LRRC4C: variants seen among roughly 807,000 people sequenced by gnomAD.
LRRC4C encodes the protein leucine rich repeat containing 4C.
Under a neutral mutation model 33.6 loss-of-function variants are expected in LRRC4C, and 5 were observed. The ratio of observed to expected loss-of-function variants is 0.15; its 90% CI spans 0.08 to 0.31. The LOEUF (loss-of-function observed/expected upper bound fraction) is 0.31. Among genes scored for constraint, LRRC4C ranks in the 10% least tolerant of loss-of-function variants. The pLI is 1.00. For missense variants in LRRC4C, 560 were observed against 796.7 expected, an observed-to-expected ratio of 0.70 and a Z score of 3.58; for synonymous variants, 329 against 302.0, an observed-to-expected ratio of 1.09 and a Z score of -0.93.
At chr11:41,243,434 G>A (rs76066031) in intron 1 of LRRC4C, among the ~76,000 whole-genome samples, 6,894 of 152,168 alleles carry the variant, frequency 0.045, 200 homozygotes, top group South Asian at 0.069. Context: ...AGACACTCAA[G>A]CCAACTATTG....
chr11:40,554,418 G>A (rs1957249704), intron 3 of LRRC4C, among the ~76,000 whole-genome samples: 1 of 151,886 alleles, frequency 6.6e-6, no homozygotes, highest in South Asian at 2.1e-4. Context: ...TTTTCTTTTT[G>A]CTTATAATTG....
At chr11:40,337,789 G>C (rs1946694212) in intron 3 of LRRC4C, among the ~76,000 whole-genome samples, 1 of 152,178 alleles carries the variant, frequency 6.6e-6, no homozygotes, top group South Asian at 2.1e-4. Flanking sequence ...GCACTTAATA[G>C]CCTAGTGCCC....
intron 1 of LRRC4C, among the ~76,000 whole-genome samples, chr11:41,024,978 A>G (rs1229975694): frequency 2.0e-5 from 3 of 151,508 alleles, no homozygotes; most frequent in Non-Finnish European, 3.0e-5. Flanking sequence ...TGATCTTATT[A>G]TTGTAATTGT....
chr11:41,409,932 T>A lies in LRRC4C; in HGVS notation c.-496+49499A>T, dbSNP rs527323093. Among the ~76,000 whole-genome samples the A allele has an allele frequency of 3.3e-5, 5 of 152,366 alleles. No individual in the cohort carries two copies. The East Asian group carries it at 9.6e-4, about 29-fold the overall frequency. Reference sequence around the variant, plus strand: ...GCCATTAATATTAATGTTTTTTTATTTCCATCATCCTAATGAGAGAAATAT... The same window carrying A: ...GCCATTAATATTAATGTTTTTTTATATCCATCATCCTAATGAGAGAAATAT... On this transcript the variant is annotated intron_variant, in intron 1 of 6. Coordinates refer to ENST00000528697, the MANE Select transcript of LRRC4C (RefSeq NM_001258419.2).
At chr11:40,455,108 G>A (rs1039881398) in intron 3 of LRRC4C, among the ~76,000 whole-genome samples, 5 of 152,150 alleles carry the variant, frequency 3.3e-5, no homozygotes, top group African/African-American at 1.2e-4. Context: ...CACTTGAAAA[G>A]AGTAAGTGAG....
intron 1 of LRRC4C, among the ~76,000 whole-genome samples, chr11:41,086,313 A>G (rs2135517572): frequency 1.3e-5 from 2 of 152,252 alleles, no homozygotes; most frequent in South Asian, 2.1e-4. Context: ...TGTGTTCATT[A>G]CCATTCTATT....
intron 3 of LRRC4C, among the ~76,000 whole-genome samples, chr11:40,349,150 A>C (rs547078410): frequency 6.6e-6 from 1 of 152,268 alleles, no homozygotes; most frequent in Non-Finnish European, 1.5e-5. Context: ...GTGCTATCAA[A>C]TACTAGATTT....
intron 1 of LRRC4C, among the ~76,000 whole-genome samples, chr11:40,984,362 AAAAAGAAAGAAAG>A (rs1852787331): frequency 1.1e-5 from 1 of 91,704 alleles, no homozygotes; most frequent in Non-Finnish European, 2.4e-5. Context: ...GAAAGAAAGA[AAAAAGAAAGAAAG>A]AAAGAAAGAA....
At chr11:41,390,717 C>A (rs1953556915) in intron 1 of LRRC4C, among the ~76,000 whole-genome samples, 2 of 151,826 alleles carry the variant, frequency 1.3e-5, no homozygotes, top group African/African-American at 4.8e-5. Context: ...CCAGTGTTTG[C>A]ATGCTTGCAC....
chr11:40,825,616 G>C (rs1156345381), intron 2 of LRRC4C, among the ~76,000 whole-genome samples: 1 of 151,880 alleles, frequency 6.6e-6, no homozygotes, highest in African/African-American at 2.4e-5. Context: ...CAAAAGCAGA[G>C]GCATGTGTCA....
At chr11:40,769,880 A>G (rs573843367) in intron 2 of LRRC4C, among the ~76,000 whole-genome samples, 19 of 152,330 alleles carry the variant, frequency 1.2e-4, no homozygotes, top group Admixed American at 8.5e-4. Context: ...AAACTACTCA[A>G]GTAAAACCCT....
chr11:40,330,705 TACTC>T (rs1165702436), intron 3 of LRRC4C, among the ~76,000 whole-genome samples: 1 of 152,058 alleles, frequency 6.6e-6, no homozygotes, highest in Non-Finnish European at 1.5e-5. Context: ...CGTGAGAACT[TACTC>T]ACTATCATGA....
At chr11:41,413,768 G>C (rs894389485) in intron 1 of LRRC4C, among the ~76,000 whole-genome samples, 3 of 152,136 alleles carry the variant, frequency 2.0e-5, no homozygotes, top group African/African-American at 4.8e-5. Context: ...CAAAAATTGC[G>C]TGATGCTGGA....
Position 40,302,895 on chromosome 11 carries a change from A to G in LRRC4C, c.-176+16733T>C, listed in dbSNP as rs1367477783. Among the ~76,000 whole-genome samples the G allele has an allele frequency of 2.6e-5, 4 of 152,320 alleles. No individual in the cohort carries two copies. In the East Asian group the frequency reaches 7.7e-4, roughly 29 times the overall value. On this transcript the variant is annotated intron_variant, in intron 4 of 6. Coordinates refer to ENST00000528697, the MANE Select transcript of LRRC4C (RefSeq NM_001258419.2). ...TCATAGACCTCAGTCTGAATCTGAC[A>G]TTCATTGTTTGTGCTTTAGGAGAAC...
At chr11:41,384,678 T>C (rs1953287245) in intron 1 of LRRC4C, among the ~76,000 whole-genome samples, 1 of 151,246 alleles carries the variant, frequency 6.6e-6, no homozygotes, top group African/African-American at 2.4e-5. Context: ...TCATGTATTA[T>C]GTAATGTTTG....
intron 1 of LRRC4C, among the ~76,000 whole-genome samples, chr11:41,318,622 T>C (rs1950864561): frequency 6.6e-6 from 1 of 152,246 alleles, no homozygotes. Flanking sequence ...ATGTTGCTAC[T>C]CCAGTCACTG....
intron 1 of LRRC4C, among the ~76,000 whole-genome samples, chr11:41,254,902 T>C (rs1474003526): frequency 1.3e-5 from 2 of 152,064 alleles, no homozygotes; most frequent in African/African-American, 2.4e-5. Flanking sequence ...ATCAAGCAAC[T>C]GATTCCATCA....
At chr11:40,826,101 C>T (rs1370178441) in intron 2 of LRRC4C, among the ~76,000 whole-genome samples, 2 of 151,786 alleles carry the variant, frequency 1.3e-5, no homozygotes, top group Admixed American at 1.3e-4. Flanking sequence ...AGTTATTTTC[C>T]CTTCCACATA....
At chr11:40,405,063 T>C (rs1405563469) in intron 3 of LRRC4C, among the ~76,000 whole-genome samples, 1 of 152,036 alleles carries the variant, frequency 6.6e-6, no homozygotes. Flanking sequence ...TTGTTCCTTT[T>C]ATTTCCTTTG....
Sources: gnomAD v4.1 joint callset for allele counts (sites outside exome capture counted in the v4.1 genomes callset) on GRCh38, gnomAD v4.1.1 for gene constraint, MANE v1.5 for transcripts, NCBI Gene and HGNC (gene_info 2026-07-23, HGNC 2026-07-21) for gene names.